SKA2: variants seen among roughly 807,000 people sequenced by gnomAD.
SKA2 encodes the protein spindle and kinetochore associated complex subunit 2.
In SKA2, 13 loss-of-function variants were observed where a neutral mutation model predicts 16.9. That is an observed-to-expected ratio of 0.77 (90% CI 0.50 to 1.22). The LOEUF is 1.22. Among genes scored for constraint, SKA2 ranks in the 50% most tolerant of loss-of-function variants. The probability of loss-of-function intolerance (pLI) is 0.00; values close to 1 mark genes in which losing one functional copy is unlikely to be tolerated. For missense variants in SKA2, 107 were observed against 139.7 expected, an observed-to-expected ratio of 0.77 and a Z score of 1.18; for synonymous variants, 47 against 48.5, an observed-to-expected ratio of 0.97 and a Z score of 0.13.
chr17:59,112,349 G>A lies in SKA2; in HGVS notation c.298-4C>T. The stretch of plus-strand genomic sequence containing the variant: ...CTTCTTTAGTCAGTGGTGACAGCTA[G>A]AAAATAAATGATAAAATCTTTATTT... On this transcript the variant is annotated splice_region_variant and splice_polypyrimidine_tract_variant and intron_variant, in intron 3 of 3. Transcript: ENST00000330137. The A allele has an allele frequency of 6.2e-7, 1 of 1,600,886 alleles. No individual in the cohort carries two copies. The highest frequency in any genetic ancestry group is 8.5e-7 in the Non-Finnish European group (1 of 1,175,272).
chr17:59,148,292 T>C (rs2147820344), intron 1 of SKA2, among the ~76,000 whole-genome samples: 1 of 152,274 alleles, frequency 6.6e-6, no homozygotes, highest in South Asian at 2.1e-4. Flanking sequence ...ATAACAATTC[T>C]CTATCCGGCA....
At chr17:59,116,454 C>T (rs564428482) in intron 3 of SKA2, among the ~76,000 whole-genome samples, 1 of 152,130 alleles carries the variant, frequency 6.6e-6, no homozygotes, top group African/African-American at 2.4e-5. Flanking sequence ...TTGTCAATGT[C>T]TTAACATCCC....
intron 1 of SKA2, among the ~76,000 whole-genome samples, chr17:59,132,608 G>A (rs1416541718): frequency 6.6e-6 from 1 of 152,044 alleles, no homozygotes; most frequent in African/African-American, 2.4e-5. Flanking sequence ...AAGTTGCAGT[G>A]AGCCAAGATT....
At chr17:59,133,356 G>C (rs1459387457) in intron 1 of SKA2, among the ~76,000 whole-genome samples, 1 of 152,082 alleles carries the variant, frequency 6.6e-6, no homozygotes, top group East Asian at 1.9e-4. Flanking sequence ...AGCATATATT[G>C]CCTCGAGTTT....
chr17:59,122,011 C>A (rs571654658), intron 2 of SKA2, among the ~76,000 whole-genome samples: 12 of 151,068 alleles, frequency 7.9e-5, no homozygotes, highest in African/African-American at 2.9e-4. Context: ...ATTCAAGAAG[C>A]CTATAGAGCA....
intron 2 of SKA2, among the ~76,000 whole-genome samples, chr17:59,130,998 C>G (rs1446129745): frequency 6.6e-6 from 1 of 152,114 alleles, no homozygotes; most frequent in African/African-American, 2.4e-5. Context: ...TAGCTATATT[C>G]TCTCTTGGAA....
At chr17:59,130,457 C>CAAAAAAAAAAAAAAAAAA (rs569934567) in intron 2 of SKA2, among the ~76,000 whole-genome samples, 3 of 70,394 alleles carry the variant, frequency 4.3e-5, no homozygotes, top group Non-Finnish European at 6.1e-5. Context: ...ACTAAAAATA[C>CAAAAAAAAAAAAAAAAAA]AAAAAAAAAA....
intron 2 of SKA2, 50 bp from the exon 3 acceptor site, chr17:59,119,545 T>G (rs1180166298): frequency 6.5e-7 from 1 of 1,532,624 alleles, no homozygotes; most frequent in South Asian, 1.1e-5. Flanking sequence ...AGATTAAACT[T>G]TTTAAGAATT....
intron 1 of SKA2, among the ~76,000 whole-genome samples, chr17:59,135,208 G>A (rs749839561): frequency 1.3e-4 from 20 of 151,556 alleles, no homozygotes; most frequent in Non-Finnish European, 2.2e-4. Context: ...CCATCAAATG[G>A]TACCAAAAAG....
At chr17:59,124,872 G>T (rs2046360318) in intron 2 of SKA2, among the ~76,000 whole-genome samples, 1 of 152,092 alleles carries the variant, frequency 6.6e-6, no homozygotes, top group Non-Finnish European at 1.5e-5. Context: ...TTTATGACAG[G>T]TTAGGACTGT....
intron 1 of SKA2, among the ~76,000 whole-genome samples, chr17:59,151,421 C>T (rs547790253): frequency 5.3e-5 from 8 of 151,988 alleles, no homozygotes; most frequent in Non-Finnish European, 1.0e-4. Context: ...AATTAACATT[C>T]GAACAGAAAC....
intron 3 of SKA2, among the ~76,000 whole-genome samples, chr17:59,114,430 G>A (rs2046283500): frequency 1.3e-5 from 2 of 152,194 alleles, no homozygotes; most frequent in Non-Finnish European, 1.5e-5. Flanking sequence ...ATAGCCTACT[G>A]CTCCTGGGCT....
intron 1 of SKA2, among the ~76,000 whole-genome samples, chr17:59,144,765 G>C (rs1482626947): frequency 6.6e-6 from 1 of 152,092 alleles, no homozygotes. Flanking sequence ...TAGACGCTGG[G>C]GGGAGGGGAA....
intron 1 of SKA2, among the ~76,000 whole-genome samples, chr17:59,137,000 G>A (rs1236650085): frequency 6.6e-6 from 1 of 151,998 alleles, no homozygotes. Flanking sequence ...TCACACATGT[G>A]GAAAAAATGT....
At chr17:59,125,129 A>G (rs2046362537) in intron 2 of SKA2, among the ~76,000 whole-genome samples, 1 of 145,884 alleles carries the variant, frequency 6.9e-6, no homozygotes, top group Non-Finnish European at 1.5e-5. Context: ...ATGCGCCACT[A>G]CGCCTGGCTA....
chr17:59,138,913 G>GC (rs2046466178), intron 1 of SKA2, among the ~76,000 whole-genome samples: 1 of 152,126 alleles, frequency 6.6e-6, no homozygotes, highest in African/African-American at 2.4e-5. Flanking sequence ...GATTCTCATT[G>GC]CCACCGTATG....
chr17:59,131,966 T>C (rs1332437729), intron 1 of SKA2, among the ~76,000 whole-genome samples: 2 of 152,130 alleles, frequency 1.3e-5, no homozygotes, highest in African/African-American at 4.8e-5. Flanking sequence ...ACTTGATCTG[T>C]AGTAAACCTC....
intron 2 of SKA2, among the ~76,000 whole-genome samples, chr17:59,127,788 A>G (rs1257137257): frequency 6.6e-6 from 1 of 152,216 alleles, no homozygotes; most frequent in Non-Finnish European, 1.5e-5. Context: ...TCATATGGCC[A>G]GCAATTCTAC....
At chr17:59,119,250 G>C (rs1303738258) in intron 3 of SKA2, 69 bp downstream of exon 3, 1 of 1,526,714 alleles carries the variant, frequency 6.6e-7, no homozygotes, top group South Asian at 1.2e-5. Flanking sequence ...AGTTACATCA[G>C]GTTTATTTTT....
Sources: allele counts gnomAD v4.1 joint callset (sites outside exome capture counted in the v4.1 genomes callset), GRCh38; gene constraint gnomAD v4.1.1; transcripts MANE v1.5; gene names NCBI Gene and HGNC (gene_info 2026-07-23, HGNC 2026-07-21).